The following ZNF25 variants were observed in gnomAD, a reference collection of about 807,000 sequenced individuals.
ZNF25 encodes zinc finger protein 25 (KOX 19).
In ZNF25, 21 loss-of-function variants were observed where a neutral mutation model predicts 30.9. The observed-to-expected ratio is 0.68, with a 90% CI of 0.48 to 0.98. The LOEUF (loss-of-function observed/expected upper bound fraction) is 0.98. ZNF25 is among the 50% of genes least tolerant of loss of function. The pLI is 0.00. For missense variants in ZNF25, 501 were observed against 529.9 expected, an observed-to-expected ratio of 0.95 and a Z score of 0.54; for synonymous variants, 169 against 181.3, an observed-to-expected ratio of 0.93 and a Z score of 0.55.
chr10:37,966,032 G>A (rs1339469316), intron 2 of ZNF25, among the ~76,000 whole-genome samples: 1 of 151,926 alleles, frequency 6.6e-6, no homozygotes, highest in Non-Finnish European at 1.5e-5. Flanking sequence ...ACTCACAAAA[G>A]GAAATGAGGA....
intron 5 of ZNF25, 179 bp from the exon 6 acceptor site, chr10:37,953,374 A>C (rs2062301602): frequency 7.8e-6 from 5 of 641,390 alleles, no homozygotes; most frequent in Non-Finnish European, 1.3e-5. Flanking sequence ...ACTGTAGTTT[A>C]ACATTTGGTA....
rs1243580232 is a variant in ZNF25 at position 37,952,097 on chromosome 10, A to C, written c.*30T>G. On this transcript the variant is annotated 3_prime_UTR_variant, in exon 6 of 6. Coordinates refer to ENST00000302609, the MANE Select transcript of ZNF25 (RefSeq NM_145011.4). ...AATTATCTGATTGTTTTGAAGGATT[A>C]ATTCAGTCAAGAGAATTTCCCAACT... The C allele has an allele frequency of 6.6e-7, 1 of 1,522,236 alleles. No homozygotes were observed. Among genetic ancestry groups the C allele is most frequent in the East Asian group, 2.3e-5 (1 of 44,134 alleles). 94.3% of individuals were successfully genotyped at this position (1,522,236 alleles called of 1,614,324 possible). A position where few individuals can be genotyped will look rare whatever the true frequency, so the allele number is the denominator to read the frequency against.
At chr10:37,965,733 T>C (rs2063144528) in intron 2 of ZNF25, among the ~76,000 whole-genome samples, 1 of 152,180 alleles carries the variant, frequency 6.6e-6, no homozygotes, top group South Asian at 2.1e-4. Flanking sequence ...TATAGGTACA[T>C]AGAAAAGCTG....
rs1441702688 is a variant in ZNF25 at position 37,952,423 on chromosome 10, T to C, written c.1075A>G (p.Lys359Glu). 1.9e-6 allele frequency: 3 copies of C among 1,612,618 alleles called. No individual in the cohort carries two copies. Among genetic ancestry groups the C allele is most frequent in the African/African-American group, 2.7e-5 (2 of 74,562 alleles). ...KTFYYKSDLTKHQRKHTGEKP... is the reference protein window; with the variant it reads ...KTFYYKSDLTEHQRKHTGEKP... ...TCCCCTGTGTGTTTTCTCTGATGTTTAGTGAGGTCTGATTTATAGTAAAAT... is the reference window on the plus strand; with the variant it reads ...TCCCCTGTGTGTTTTCTCTGATGTTCAGTGAGGTCTGATTTATAGTAAAAT... Residue 359 changes from lysine (K) to glutamate (E), a missense_variant, in exon 6 of 6, where the codon AAA (lysine) becomes GAA (glutamate). Coordinates refer to ENST00000302609, the MANE Select transcript of ZNF25 (RefSeq NM_145011.4).
chr10:37,955,731 G>A (rs2062475909), intron 4 of ZNF25, among the ~76,000 whole-genome samples: 1 of 152,056 alleles, frequency 6.6e-6, no homozygotes, highest in Non-Finnish European at 1.5e-5. Flanking sequence ...AGGCTGGAGT[G>A]CAGTGGGGCG....
intron 2 of ZNF25, 45 bp from the exon 3 acceptor site, chr10:37,957,591 T>A (rs762913846): frequency 6.3e-7 from 1 of 1,582,450 alleles, no homozygotes; most frequent in Non-Finnish European, 8.6e-7. Context: ...CCAGAATAGA[T>A]TGCATACCAT....
intron 4 of ZNF25, among the ~76,000 whole-genome samples, chr10:37,956,026 C>T (rs755144419): frequency 6.6e-6 from 1 of 152,166 alleles, no homozygotes; most frequent in Non-Finnish European, 1.5e-5. Context: ...AAATATCTAG[C>T]GAGCAACTAA....
chr10:37,966,973 G>A (rs1041720475), intron 2 of ZNF25, among the ~76,000 whole-genome samples: 1 of 152,118 alleles, frequency 6.6e-6, no homozygotes, highest in Non-Finnish European at 1.5e-5. Context: ...ACACAAGTAG[G>A]CTGAAAAGAA....
At position 37,956,358 on chromosome 10, in the gene ZNF25, A is replaced by G. The variant is rs139065598; in HGVS notation, c.238+662T>C. ...GAAGGCGATGCCATTTAAAAACGTT[A>G]TAAGTCAGATTTACAAACACTTTAT... On this transcript the variant is annotated intron_variant, in intron 4 of 5. Coordinates refer to ENST00000302609, the MANE Select transcript of ZNF25 (RefSeq NM_145011.4). Among the ~76,000 whole-genome samples, 703 of 152,336 alleles carry G rather than the reference A, an allele frequency of 4.6e-3. 6 individuals are homozygous for G. Among genetic ancestry groups the G allele is most frequent in the Non-Finnish European group, 7.1e-3 (482 of 68,032 alleles).
intron 2 of ZNF25, among the ~76,000 whole-genome samples, chr10:37,970,923 T>C (rs1171044319): frequency 2.0e-5 from 3 of 152,228 alleles, no homozygotes; most frequent in Non-Finnish European, 4.4e-5. Context: ...CACTTCTCTG[T>C]ATCACTTTGT....
chr10:37,960,306 A>G (rs899801277), intron 2 of ZNF25, among the ~76,000 whole-genome samples: 2 of 152,026 alleles, frequency 1.3e-5, no homozygotes, highest in Non-Finnish European at 2.9e-5. Context: ...ATAGAGTTCT[A>G]GAAGAGCCCA....
chr10:37,958,398 T>C (rs1379120623), intron 2 of ZNF25, among the ~76,000 whole-genome samples: 2 of 152,212 alleles, frequency 1.3e-5, no homozygotes, highest in African/African-American at 2.4e-5. Flanking sequence ...ATGATACCTA[T>C]TGTGGGTACA....
intron 2 of ZNF25, among the ~76,000 whole-genome samples, chr10:37,970,422 T>A (rs1040883853): frequency 6.6e-6 from 1 of 152,230 alleles, no homozygotes; most frequent in African/African-American, 2.4e-5. Flanking sequence ...AAATTCAAGA[T>A]CCATTCATGA....
At chr10:37,956,933 A>G in intron 4 of ZNF25, 87 bp downstream of exon 4, 1 of 970,256 alleles carries the variant, frequency 1.0e-6, no homozygotes, top group Non-Finnish European at 1.5e-6. Flanking sequence ...AAAAAAAAAA[A>G]AGTGAGAGAT....
chr10:37,975,458 C>T (rs2135474420), intron 1 of ZNF25, among the ~76,000 whole-genome samples: 1 of 151,670 alleles, frequency 6.6e-6, no homozygotes, highest in South Asian at 2.1e-4. Flanking sequence ...TGCCTAAGCT[C>T]AGTTATCAGC....
rs529316066 is a variant in ZNF25, at chr10:37,951,765, T to G, written c.*362A>C. On this transcript the variant is annotated 3_prime_UTR_variant, in exon 6 of 6. Transcript: ENST00000302609. ...TCTCATTTGTGAGCTTTTGGATGTC[T>G]ACAGCTGGCTGCCCTGACAGAAAAT... 16 of 191,682 alleles carry G rather than the reference T, an allele frequency of 8.3e-5. No individual in the cohort carries two copies. In the South Asian group the frequency reaches 1.4e-3, roughly 16 times the overall value. 11.9% of individuals were successfully genotyped at this position (191,682 alleles called of 1,614,324 possible).
Position 37,952,402 on chromosome 10 carries a change from C to T in ZNF25, c.1096G>A (p.Gly366Arg), listed in dbSNP as rs758110249. ...TCTGTGCATTCATAGGGCTTCTCCC[C>T]TGTGTGTTTTCTCTGATGTTTAGTG... ...DLTKHQRKHT[G>R]EKPYECTECG... The change falls in exon 6 of 6, where the codon GGG (glycine) becomes AGG (arginine). Residue 366 changes from glycine to arginine, a missense_variant. Transcript: ENST00000302609. 1 of 1,614,030 alleles carries T rather than the reference C, an allele frequency of 6.2e-7. No individual in the cohort carries two copies. The highest frequency in any genetic ancestry group is 2.2e-5 in the East Asian group (1 of 44,890).
chr10:37,956,876 T>C (rs1365875337), intron 4 of ZNF25, 144 bp downstream of exon 4: 8 of 629,530 alleles, frequency 1.3e-5, no homozygotes, highest in Middle Eastern at 2.8e-4. Context: ...GATGGCAACA[T>C]TGGACTCCAG....
Position 37,976,601 on chromosome 10 carries a change from C to A in ZNF25, c.-181G>T, listed in dbSNP as rs372145871. 1.3e-5 allele frequency: 2 copies of A among 152,578 alleles called. No homozygotes were observed. Among genetic ancestry groups the A allele is most frequent in the Non-Finnish European group, 1.5e-5 (1 of 68,320 alleles). 9.5% of individuals were successfully genotyped at this position (152,578 alleles called of 1,614,324 possible). ...CCCGGAGGCACCGGAGTCCTCTCCC[C>A]ACCCTAGGGCGTAAGACCAAAAAAA... On this transcript the variant is annotated 5_prime_UTR_variant, in exon 1 of 6. Transcript: ENST00000302609.
Sources: allele counts gnomAD v4.1 joint callset (sites outside exome capture counted in the v4.1 genomes callset), GRCh38; gene constraint gnomAD v4.1.1; transcripts MANE v1.5; gene names NCBI Gene and HGNC (gene_info 2026-07-23, HGNC 2026-07-21).